SSC5D: variants seen among roughly 807,000 people sequenced by gnomAD.
SSC5D encodes the protein scavenger receptor cysteine rich family member with 5 domains.
SSC5D carries 106 observed loss-of-function variants against 104.6 expected under a neutral mutation model. The ratio of observed to expected loss-of-function variants is 1.01; its 90% CI spans 0.87 to 1.19. The LOEUF is 1.19. Among genes scored for constraint, SSC5D ranks in the 50% most tolerant of loss-of-function variants. The probability of loss-of-function intolerance (pLI) is 0.00; values close to 1 mark genes in which losing one functional copy is unlikely to be tolerated. For synonymous variants in SSC5D, 860 were observed against 883.5 expected, an observed-to-expected ratio of 0.97 and a Z score of 0.47; for missense variants, 1,993 against 2,153.8, an observed-to-expected ratio of 0.93 and a Z score of 1.48.
chr19:55,502,051 C>A (rs757081799), intron 12 of SSC5D, among the ~76,000 whole-genome samples: 4 of 152,036 alleles, frequency 2.6e-5, no homozygotes, highest in Non-Finnish European at 4.4e-5. Flanking sequence ...TACAGATGTG[C>A]GCCACCACAC....
In SSC5D at chr19:55,491,008, C is replaced by T. The variant is rs771232600; in HGVS notation, c.823C>T (p.Arg275Ter). ...VGCGGGEQAL[R>*]DCPRSPWGRS... ...GTGTGGAGGAGGAGAACAGGCCCTC[C>T]GAGACTGCCCCCGAAGCCCCTGGGG... Residue 275 changes from arginine (R) to a stop codon, truncating the protein, a stop_gained, in exon 6 of 14, where the codon CGA (arginine) becomes TGA (stop). Transcript: ENST00000389623. LOFTEE classifies it high-confidence loss of function. The T allele has an allele frequency of 1.9e-5, 29 of 1,549,902 alleles. No individual in the cohort carries two copies. The highest frequency in any genetic ancestry group is 2.3e-5 in the Non-Finnish European group (26 of 1,146,646).
At position 55,517,704 on chromosome 19, in the gene SSC5D, C is replaced by T. The variant is rs1295876351; in HGVS notation, c.3428C>T (p.Pro1143Leu). Residue 1143 changes from proline to leucine, a missense_variant, in exon 14 of 14, where the codon CCA (proline) becomes CTA (leucine). Around this residue, in one of 6 missense-constraint regions of SSC5D, gnomAD observed 423 missense variants for 409.2 expected, o/e 1.03. Transcript: ENST00000389623. ...ACAGTCTCAGAATATTCTAGATCCCCAGACCCCTCCCCAAGCCCTCACCCC... is the reference window on the plus strand; with the variant it reads ...ACAGTCTCAGAATATTCTAGATCCCTAGACCCCTCCCCAAGCCCTCACCCC... ...SSTVSEYSRS[P>L]DPSPSPHPTT... The T allele has an allele frequency of 1.9e-6, 3 of 1,551,242 alleles. No homozygotes were observed. The highest frequency in any genetic ancestry group is 2.6e-6 in the Non-Finnish European group (3 of 1,146,920).
rs1188730040 is a variant in SSC5D, at chr19:55,500,269, G to A, written c.2159G>A (p.Gly720Asp). The change falls in exon 10 of 14, where the codon GGC (glycine) becomes GAC (aspartate). Residue 720 changes from glycine to aspartate, a missense_variant. Transcript: ENST00000389623. The surrounding 1 kb of genome is among the most constrained non-coding windows in gnomAD (Gnocchi z 4.6). ...TKTMAMLTTQ[G>D]PQEMTSESTI... ...ACCATGGCAATGCTGACCACTCAAG[G>A]CCCCCAAGAAATGACCTCTGAGTCC... The A allele has an allele frequency of 1.9e-6, 3 of 1,551,058 alleles. No individual in the cohort carries two copies. The highest frequency in any genetic ancestry group is 2.0e-5 in the Admixed American group (1 of 50,934).
At position 55,504,248 on chromosome 19, in the gene SSC5D, C is replaced by A; in HGVS notation, c.2785+3047C>A. On this transcript the variant is annotated intron_variant, in intron 12 of 13. Transcript: ENST00000389623. ...CCGGGCACAGCGGCTGCGGAGACAG[C>A]GGGTCCGGCCTCGGGACCCCTCCCG... 4.0e-6 allele frequency: 6 copies of A among 1,517,360 alleles called. No homozygotes were observed. The South Asian group carries it at 7.3e-5, about 19-fold the overall frequency. 94.0% of individuals were successfully genotyped at this position (1,517,360 alleles called of 1,614,324 possible). A position where few individuals can be genotyped will look rare whatever the true frequency, so the allele number is the denominator to read the frequency against.
chr19:55,518,781 G>A lies in SSC5D; in HGVS notation c.4505G>A (p.Gly1502Asp), dbSNP rs1477370510. Reference sequence around the variant, plus strand: ...GTGGCTGCTGTGAGGGATGTGGGTGGTCAGCTGCAGAGACTGACCCAGGTC... The same window carrying A: ...GTGGCTGCTGTGAGGGATGTGGGTGATCAGCTGCAGAGACTGACCCAGGTC... The part of the protein sequence containing the change: ...ELVAAVRDVG[G>D]QLQRLTQVVE... The change falls in exon 14 of 14, where the codon GGT becomes GAT. Residue 1502 changes from glycine to aspartate, a missense_variant. Around this residue, in one of 6 missense-constraint regions of SSC5D, gnomAD observed 349 missense variants for 397.6 expected, o/e 0.88. Transcript: ENST00000389623. 11 of 1,550,570 alleles carry A rather than the reference G, an allele frequency of 7.1e-6. No homozygotes were observed. The highest frequency in any genetic ancestry group is 2.0e-5 in the Admixed American group (1 of 50,990).
chr19:55,489,744 C>CT (rs1017085901), intron 3 of SSC5D, 82 bp downstream of exon 3: 1 of 1,506,360 alleles, frequency 6.6e-7, no homozygotes, highest in Admixed American at 2.0e-5. Flanking sequence ...CCCAGCAAGT[C>CT]TGAGTGTTCA....
chr19:55,504,148 C>T, intron 12 of SSC5D: 1 of 1,535,734 alleles, frequency 6.5e-7, no homozygotes, highest in Non-Finnish European at 8.7e-7. Context: ...AGGTGATGCT[C>T]CTCGTTCAAG....
intron 13 of SSC5D, among the ~76,000 whole-genome samples, chr19:55,516,108 C>T (rs1479951844): frequency 6.6e-6 from 1 of 151,382 alleles, no homozygotes; most frequent in Non-Finnish European, 1.5e-5. Flanking sequence ...GTGCCCAAAA[C>T]GCCAAAATCA....
At position 55,494,706 on chromosome 19, in the gene SSC5D, G is replaced by C; in HGVS notation, c.1310G>C (p.Ser437Thr). 6.4e-7 allele frequency: 1 copy of C among 1,550,604 alleles called. No homozygotes were observed. Among genetic ancestry groups the C allele is most frequent in the Non-Finnish European group, 8.7e-7 (1 of 1,146,682 alleles). Residue 437 changes from serine (S) to threonine (T), a missense_variant, in exon 8 of 14, where the codon AGC (serine) becomes ACC (threonine). Physicochemically the swap from Ser to Thr is moderately conservative, Grantham distance 58. Coordinates refer to ENST00000389623, the MANE Select transcript of SSC5D (RefSeq NM_001144950.2). ...TCCAGGCCCCCGTCCACCATGACGA[G>C]CCAGGCTCCAGGGACGGCAGGCGTT... ...AASRPPSTMT[S>T]QAPGTAGVSP...
At chr19:55,512,064 C>T (rs1012835695) in intron 12 of SSC5D, among the ~76,000 whole-genome samples, 1 of 151,706 alleles carries the variant, frequency 6.6e-6, no homozygotes, top group African/African-American at 2.4e-5. Flanking sequence ...TGAGGCCGGG[C>T]ACGGTGGCTC....
In SSC5D at chr19:55,489,399, TG is replaced by T; in HGVS notation, c.100del (p.Glu34ArgfsTer114). The T allele has an allele frequency of 2.0e-6, 3 of 1,488,340 alleles. No individual in the cohort carries two copies. The highest frequency in any genetic ancestry group is 2.6e-5 in the South Asian group (2 of 75,764). The allele number at this position is 1,488,340 out of a possible 1,614,324, so 92.2% of individuals were successfully genotyped here. A position where few individuals can be genotyped will look rare whatever the true frequency, so the allele number is the denominator to read the frequency against. ...GGCCCCCATGGGTGCGCTGGCCGCC[TG>T]GAGGTCTGGCATGGCGGGCGCTGGG... is the stretch of plus-strand genomic sequence containing the variant. ...ADGPHGCAGRLEVWHGGRWGT... is the reference protein window; with the variant it reads ...ADGPHGCAGRXEVWHGGRWGT... On this transcript the variant is annotated frameshift_variant, in exon 3 of 14. Coordinates refer to ENST00000389623, the MANE Select transcript of SSC5D (RefSeq NM_001144950.2). LOFTEE classifies it high-confidence loss of function.
At position 55,489,344 on chromosome 19, in the gene SSC5D, C is replaced by T. The variant is rs1987058051; in HGVS notation, c.53-10C>T. On this transcript the variant is annotated splice_polypyrimidine_tract_variant and intron_variant, in intron 2 of 13. Transcript: ENST00000389623. The stretch of plus-strand genomic sequence containing the variant: ...CCCTCCCCAGTCACAGCCATTCCTC[C>T]AACCCTCAGAGCGCCTGCGCCTGGC... The T allele has an allele frequency of 1.4e-6, 2 of 1,437,224 alleles. No homozygotes were observed. Among genetic ancestry groups the T allele is most frequent in the South Asian group, 3.0e-5 (2 of 66,958 alleles). The allele number at this position is 1,437,224 out of a possible 1,614,324, so 89.0% of individuals were successfully genotyped here. A position where few individuals can be genotyped will look rare whatever the true frequency, so the allele number is the denominator to read the frequency against.
At position 55,488,490 on chromosome 19, in the gene SSC5D, A is replaced by G; in HGVS notation, c.-100A>G. The G allele has an allele frequency of 8.9e-7, 1 of 1,120,522 alleles. No individual in the cohort carries two copies. The highest frequency in any genetic ancestry group is 2.1e-5 in the Admixed American group (1 of 48,422). 69.4% of individuals were successfully genotyped at this position (1,120,522 alleles called of 1,614,324 possible). ...CTCCTCCTCGGGCCTGGGCGCCTCC[A>G]GCAGGCACTTCCCTCCCTCCCTCTC... is the stretch of plus-strand genomic sequence containing the variant. On this transcript the variant is annotated 5_prime_UTR_variant, in exon 1 of 14. Coordinates refer to ENST00000389623, the MANE Select transcript of SSC5D (RefSeq NM_001144950.2).
chr19:55,514,191 G>A (rs1300052733), intron 13 of SSC5D, among the ~76,000 whole-genome samples: 2 of 150,892 alleles, frequency 1.3e-5, no homozygotes, highest in Non-Finnish European at 3.0e-5. Context: ...AGATCACGAG[G>A]TCAGGAGATC....
rs1393720855 is a variant in SSC5D at position 55,498,121 on chromosome 19, A to G, written c.1629A>G (p.Ser543=). Residue 543 remains serine, a synonymous_variant, in exon 9 of 14, where the codon TCA becomes TCG. Transcript: ENST00000389623. ...TGGGCTGTGTGGGGACCGAGGCTTC[A>G]CTGTCCGACTGCCCTGCTGCTCCCT... ...DDVGCVGTEA[S]LSDCPAAPWG... 6.4e-7 allele frequency: 1 copy of G among 1,551,648 alleles called. No individual in the cohort carries two copies. The highest frequency in any genetic ancestry group is 1.2e-5 in the South Asian group (1 of 84,060).
chr19:55,489,014 G>A lies in SSC5D; in HGVS notation c.34G>A (p.Val12Met). 2 of 1,504,436 alleles carry A rather than the reference G, an allele frequency of 1.3e-6. No individual in the cohort carries two copies. Among genetic ancestry groups the A allele is most frequent in the Middle Eastern group, 2.2e-4 (1 of 4,578 alleles). 93.2% of individuals were successfully genotyped at this position (1,504,436 alleles called of 1,614,324 possible). A position where few individuals can be genotyped will look rare whatever the true frequency, so the allele number is the denominator to read the frequency against. Residue 12 changes from valine to methionine, a missense_variant, in exon 2 of 14, where the codon GTG (valine) becomes ATG (methionine). Transcript: ENST00000389623. ...TCCGCCCTCCCTTCCAGCGGCCCTG[G>A]TGGGGATCCAGGCTGTTGGTAAGTG... ...RVLACLLAALVGIQAVERLRL... is the reference protein window; with the variant it reads ...RVLACLLAALMGIQAVERLRL...
In SSC5D at chr19:55,504,152, G is replaced by C. The variant is rs148782866; in HGVS notation, c.2785+2951G>C. On this transcript the variant is annotated intron_variant, in intron 12 of 13. Coordinates refer to ENST00000389623, the MANE Select transcript of SSC5D (RefSeq NM_001144950.2). Reference sequence around the variant, plus strand: ...GGAGCTCCGAGAGGTGATGCTCCTCGTTCAAGGACTGCCAGGGTTGCAGCG... The same window carrying C: ...GGAGCTCCGAGAGGTGATGCTCCTCCTTCAAGGACTGCCAGGGTTGCAGCG... The C allele has an allele frequency of 2.0e-4, 303 of 1,535,684 alleles. 1 individual carries two copies. The African/African-American group carries it at 3.9e-3, about 20-fold the overall frequency.
intron 13 of SSC5D, among the ~76,000 whole-genome samples, chr19:55,514,179 G>A (rs1367115822): frequency 2.6e-5 from 4 of 152,044 alleles, no homozygotes; most frequent in African/African-American, 7.2e-5. Flanking sequence ...GCTGAGGCGG[G>A]CAGATCACGA....
Position 55,500,461 on chromosome 19 carries a change from C to T in SSC5D, c.2303-29C>T. The T allele has an allele frequency of 6.5e-7, 1 of 1,548,152 alleles. No individual in the cohort carries two copies. The highest frequency in any genetic ancestry group is 2.4e-5 in the East Asian group (1 of 40,836). Reference sequence around the variant, plus strand: ...GGAGAGAATGGGAGAGGCTGACCCTCCCTCCTGACCTAAGGGCCTTCCACG... The same window carrying T: ...GGAGAGAATGGGAGAGGCTGACCCTTCCTCCTGACCTAAGGGCCTTCCACG... On this transcript the variant is annotated intron_variant, in intron 10 of 13. Coordinates refer to ENST00000389623, the MANE Select transcript of SSC5D (RefSeq NM_001144950.2). This position sits in a 1 kb window ranked among gnomAD's most constrained non-coding sequence, Gnocchi z 4.6.
Sources: gnomAD v4.1 joint callset for allele counts (sites outside exome capture counted in the v4.1 genomes callset) on GRCh38, gnomAD v4.1.1 for gene constraint, gnomAD v4.1.1 regional missense constraint, Gnocchi (gnomAD v3.1) non-coding constraint, MANE v1.5 for transcripts, NCBI Gene and HGNC (gene_info 2026-07-23, HGNC 2026-07-21) for gene names.